Variants in SPOCK3 observed in about 807,000 individuals in gnomAD.
SPOCK3 encodes SPARC (osteonectin), cwcv and kazal like domains proteoglycan 3.
In SPOCK3, 30 loss-of-function variants were observed where a neutral mutation model predicts 56.6. The ratio of observed to expected loss-of-function variants is 0.53; its 90% CI spans 0.40 to 0.72. SPOCK3 has a LOEUF of 0.72. SPOCK3 is among the 30% of genes least tolerant of loss of function. The probability of loss-of-function intolerance (pLI) is 0.00; values close to 1 mark genes in which losing one functional copy is unlikely to be tolerated. For synonymous variants in SPOCK3, 196 were observed against 183.3 expected (o/e 1.07, Z -0.56); for missense variants, 527 against 530.0 (o/e 0.99, Z 0.06).
At chr4:167,078,323 T>C (rs1351869351) in intron 2 of SPOCK3, among the ~76,000 whole-genome samples, 14 of 92,702 alleles carry the variant, frequency 1.5e-4, no homozygotes, top group African/African-American at 6.0e-4. Context: ...TGTGTGTGTG[T>C]GTGTGTGTGT....
chr4:167,021,193 T>C (rs1751137564), intron 3 of SPOCK3, among the ~76,000 whole-genome samples: 1 of 152,090 alleles, frequency 6.6e-6, no homozygotes, highest in South Asian at 2.1e-4. Context: ...CTTCCAAAGA[T>C]ATTTACTATT....
intron 2 of SPOCK3, among the ~76,000 whole-genome samples, chr4:167,117,972 G>A (rs557795857): frequency 6.6e-6 from 1 of 152,096 alleles, no homozygotes; most frequent in African/African-American, 2.4e-5. Flanking sequence ...AGAGGAAATG[G>A]CACCTTCCTC....
intron 2 of SPOCK3, among the ~76,000 whole-genome samples, chr4:167,231,433 A>C (rs1737169860): frequency 6.6e-6 from 1 of 152,104 alleles, no homozygotes; most frequent in African/African-American, 2.4e-5. Flanking sequence ...TACTTCAGTT[A>C]AATTGTTTCT....
At chr4:167,194,768 G>A (rs1474173355) in intron 2 of SPOCK3, among the ~76,000 whole-genome samples, 1 of 152,142 alleles carries the variant, frequency 6.6e-6, no homozygotes, top group Non-Finnish European at 1.5e-5. Context: ...AGACTGGATT[G>A]TCTCCAGGAC....
intron 2 of SPOCK3, among the ~76,000 whole-genome samples, chr4:167,202,589 C>G (rs923939481): frequency 6.6e-6 from 1 of 151,948 alleles, no homozygotes; most frequent in African/African-American, 2.4e-5. Flanking sequence ...ATGAAATTAA[C>G]TGTTATAATT....
intron 2 of SPOCK3, among the ~76,000 whole-genome samples, chr4:167,179,317 T>C (rs1176138344): frequency 6.6e-6 from 1 of 152,186 alleles, no homozygotes; most frequent in Non-Finnish European, 1.5e-5. Flanking sequence ...AGCCAGACTC[T>C]CTGCTGCAGA....
chr4:166,794,210 C>CAAAAAA lies in SPOCK3; in HGVS notation c.590-1927_590-1922dup, dbSNP rs10710162. Among the ~76,000 whole-genome samples the CAAAAAA allele has an allele frequency of 2.4e-4, 18 of 73,622 alleles. 1 individual carries two copies. The highest frequency in any genetic ancestry group is 1.3e-3 in the East Asian group (3 of 2,300). The allele number at this position is 73,622 out of a possible 152,430, so 48.3% of individuals were successfully genotyped here. On this transcript the variant is annotated intron_variant, in intron 6 of 10. Coordinates refer to ENST00000357545, the MANE Select transcript of SPOCK3 (RefSeq NM_001040159.2). ...CATGGCTGAGGCTGAGGTGATAAGG[C>CAAAAAA]AAAAAAAAAAAAAAAAAAAAAAAAT...
intron 6 of SPOCK3, among the ~76,000 whole-genome samples, chr4:166,793,898 G>T (rs558440034): frequency 6.6e-6 from 1 of 152,122 alleles, no homozygotes; most frequent in South Asian, 2.1e-4. Flanking sequence ...TCTTTCCCCA[G>T]GATGCTAGTA....
intron 2 of SPOCK3, among the ~76,000 whole-genome samples, chr4:167,167,379 G>C (rs535468489): frequency 6.6e-6 from 1 of 152,116 alleles, no homozygotes; most frequent in Non-Finnish European, 1.5e-5. Flanking sequence ...ACTGCCTTTG[G>C]CAATTCCTAA....
chr4:166,737,353 C>G (rs186945528), intron 10 of SPOCK3, 114 bp downstream of exon 10: 1 of 1,144,070 alleles, frequency 8.7e-7, no homozygotes, highest in African/African-American at 1.6e-5. Context: ...CCTAGATATT[C>G]TACAGTCTTT....
At chr4:167,143,962 T>C (rs1202283040) in intron 2 of SPOCK3, among the ~76,000 whole-genome samples, 2 of 151,974 alleles carry the variant, frequency 1.3e-5, no homozygotes, top group Admixed American at 6.6e-5. Context: ...TCACTGAAGA[T>C]ATTTATCCAT....
At chr4:166,891,887 C>T (rs1734827353) in intron 5 of SPOCK3, among the ~76,000 whole-genome samples, 2 of 151,920 alleles carry the variant, frequency 1.3e-5, no homozygotes, top group African/African-American at 4.8e-5. Context: ...GCTAATATTA[C>T]ATTTTACCAT....
intron 5 of SPOCK3, among the ~76,000 whole-genome samples, chr4:166,891,384 A>G (rs1734761801): frequency 6.6e-6 from 1 of 151,996 alleles, no homozygotes; most frequent in Admixed American, 6.6e-5. Flanking sequence ...TAATCAGATT[A>G]CTCATGTCTC....
intron 6 of SPOCK3, among the ~76,000 whole-genome samples, chr4:166,848,095 A>C (rs1445501354): frequency 6.6e-6 from 1 of 152,190 alleles, no homozygotes; most frequent in Non-Finnish European, 1.5e-5. Context: ...CTTCTAAAAA[A>C]TTATAACAAG....
At chr4:167,034,045 T>C (rs1321441706) in intron 3 of SPOCK3, among the ~76,000 whole-genome samples, 1 of 152,038 alleles carries the variant, frequency 6.6e-6, no homozygotes, top group East Asian at 1.9e-4. Context: ...AAATAGCCAC[T>C]ATCTTCTTGC....
At chr4:166,988,685 G>C (rs1374560015) in intron 4 of SPOCK3, among the ~76,000 whole-genome samples, 2 of 152,106 alleles carry the variant, frequency 1.3e-5, no homozygotes, top group Non-Finnish European at 2.9e-5. Context: ...CTTTGAAATT[G>C]AACAGGTCTA....
At chr4:167,046,415 TG>T (rs1372631380) in intron 3 of SPOCK3, among the ~76,000 whole-genome samples, 3 of 151,050 alleles carry the variant, frequency 2.0e-5, no homozygotes, top group African/African-American at 7.3e-5. Flanking sequence ...ATATTTATTC[TG>T]TTCCTTTATT....
chr4:166,983,357 A>G (rs1746795989), intron 4 of SPOCK3, among the ~76,000 whole-genome samples: 1 of 152,058 alleles, frequency 6.6e-6, no homozygotes, highest in African/African-American at 2.4e-5. Context: ...TCAGACTTTA[A>G]TAGTCACAGT....
At chr4:166,853,958 G>A (rs913002968) in intron 6 of SPOCK3, among the ~76,000 whole-genome samples, 2 of 151,648 alleles carry the variant, frequency 1.3e-5, no homozygotes, top group Non-Finnish European at 2.9e-5. Context: ...CAAAAACAAA[G>A]CACCATTTTC....
Sources: allele counts gnomAD v4.1 joint callset (sites outside exome capture counted in the v4.1 genomes callset), GRCh38; gene constraint gnomAD v4.1.1; transcripts MANE v1.5; gene names NCBI Gene and HGNC (gene_info 2026-07-23, HGNC 2026-07-21).